NAV3: variants seen among roughly 807,000 people sequenced by gnomAD.
The protein encoded by NAV3 is neuron navigator 3.
In NAV3, 87 loss-of-function variants were observed where a neutral mutation model predicts 244.7. The ratio of observed to expected loss-of-function variants is 0.36; its 90% confidence interval spans 0.30 to 0.42. The LOEUF is 0.42. Ranked by LOEUF, NAV3 falls within the 20% of genes least tolerant of loss-of-function variation. The pLI is 1.00. For missense variants in NAV3, 2,663 were observed against 2,893.3 expected, an observed-to-expected ratio of 0.92 and a Z score of 1.83; for synonymous variants, 1,126 against 1,042.2, an observed-to-expected ratio of 1.08 and a Z score of -1.55.
At position 78,007,206 on chromosome 12, in the gene NAV3, T is replaced by C; in HGVS notation, c.1668T>C (p.Thr556=). The part of the protein sequence containing the change: ...TASKESEKFR[T]TKGSPSQSLS... ...GCAAAGAGTCTGAGAAATTCAGGAC[T>C]ACCAAGGGGAGCCCTTCCCAGTCCT... The change falls in exon 8 of 40, where the codon ACT becomes ACC. Residue 556 remains threonine, a synonymous_variant. Transcript: ENST00000397909. 6.2e-7 allele frequency: 1 copy of C among 1,614,194 alleles called. No individual in the cohort carries two copies. Among genetic ancestry groups the C allele is most frequent in the Non-Finnish European group, 8.5e-7 (1 of 1,180,038 alleles).
At chr12:77,987,054 AT>A (rs1870639911) in intron 5 of NAV3, among the ~76,000 whole-genome samples, 1 of 152,152 alleles carries the variant, frequency 6.6e-6, no homozygotes, top group African/African-American at 2.4e-5. Context: ...AACCTTTAAA[AT>A]TGTTTTGTTT....
chr12:77,599,638 A>G (rs1592491301), intron 2 of NAV3, among the ~76,000 whole-genome samples: 1 of 151,872 alleles, frequency 6.6e-6, no homozygotes, highest in East Asian at 1.9e-4. Context: ...TGTGATATAT[A>G]TGTGTTCAAG....
At chr12:77,829,875 A>G (rs1392645096), upstream of NAV3, among the ~76,000 whole-genome samples, 4 of 152,186 alleles carry the variant, frequency 2.6e-5, no homozygotes, top group South Asian at 6.2e-4. Flanking sequence ...TTCACTAAAG[A>G]AAGACATTTT....
At chr12:77,978,013 T>A (rs1289540589) in intron 5 of NAV3, among the ~76,000 whole-genome samples, 2 of 152,132 alleles carry the variant, frequency 1.3e-5, no homozygotes, top group African/African-American at 4.8e-5. Flanking sequence ...GATCGTTGGT[T>A]TTGGTTTAGT....
chr12:78,146,201 A>G (rs1956857150), intron 20 of NAV3, among the ~76,000 whole-genome samples, 168 bp from the exon 21 acceptor site: 1 of 152,130 alleles, frequency 6.6e-6, no homozygotes, highest in Non-Finnish European at 1.5e-5. Flanking sequence ...ATAAAATTCT[A>G]AAGTAACTTG....
intron 30 of NAV3, among the ~76,000 whole-genome samples, 168 bp from the exon 31 acceptor site, chr12:78,185,433 C>T (rs936571316): frequency 6.6e-6 from 1 of 151,748 alleles, no homozygotes; most frequent in Non-Finnish European, 1.5e-5. Flanking sequence ...TTAGCCCAAC[C>T]ACAGTAATTC....
intron 21 of NAV3, among the ~76,000 whole-genome samples, chr12:78,147,704 A>G (rs1225657870): frequency 2.0e-5 from 3 of 151,918 alleles, no homozygotes; most frequent in Admixed American, 6.6e-5. Flanking sequence ...CTACTTTGTT[A>G]GAGTGTTTGA....
At chr12:77,729,595 G>A (rs769538574) in intron 2 of NAV3, among the ~76,000 whole-genome samples, 6 of 151,884 alleles carry the variant, frequency 4.0e-5, no homozygotes, top group Non-Finnish European at 7.4e-5. Context: ...AAGAAGAAAG[G>A]TCCTGCAAGA....
intron 1 of NAV3, among the ~76,000 whole-genome samples, chr12:77,898,564 T>G (rs1294006435): frequency 6.6e-6 from 1 of 152,236 alleles, no homozygotes; most frequent in Non-Finnish European, 1.5e-5. Context: ...ATTCACTGTT[T>G]TAGGCAAAGT....
At position 78,050,681 on chromosome 12, in the gene NAV3, T is replaced by A; in HGVS notation, c.2133-83T>A. On this transcript the variant is annotated intron_variant, in intron 10 of 39. Transcript: ENST00000397909. ...GTGTTTATAAGAGATGACCCTCAAC[T>A]CCAGCCTTTTCTGTCTTCATGCATT... 8 of 1,429,236 alleles carry A rather than the reference T, an allele frequency of 5.6e-6. No individual in the cohort carries two copies. The South Asian group carries it at 9.6e-5, about 17-fold the overall frequency. The allele number at this position is 1,429,236 out of a possible 1,614,324, so 88.5% of individuals were successfully genotyped here.
chr12:78,104,992 G>C lies in NAV3; in HGVS notation c.2637-11780G>C, dbSNP rs74106127. The stretch of plus-strand genomic sequence containing the variant: ...TAAATGAGTTTTTGTTCACAATGCT[G>C]AGTGTTTGTTTAGGATAGATTCCTA... On this transcript the variant is annotated intron_variant, in intron 12 of 39. Coordinates refer to ENST00000397909, the MANE Select transcript of NAV3 (RefSeq NM_001024383.2). 3.1e-3 allele frequency among the ~76,000 whole-genome samples: 471 copies of C among 152,224 alleles called. 3 individuals are homozygous for C. The highest frequency in any genetic ancestry group is 0.01 in the African/African-American group (435 of 41,570).
At chr12:77,824,527 A>G (rs1173019221) in intron 2 of NAV3, among the ~76,000 whole-genome samples, 1 of 152,166 alleles carries the variant, frequency 6.6e-6, no homozygotes, top group Non-Finnish European at 1.5e-5. Flanking sequence ...GAAACTAAAA[A>G]GTTTCCAAAA....
intron 12 of NAV3, among the ~76,000 whole-genome samples, chr12:78,085,074 T>G (rs544108855): frequency 2.3e-4 from 35 of 152,220 alleles, no homozygotes; most frequent in African/African-American, 7.9e-4. Flanking sequence ...CCTATAAAAA[T>G]AAAGTATAGA....
chr12:77,647,016 T>G (rs1252079440), intron 2 of NAV3, among the ~76,000 whole-genome samples: 1 of 151,516 alleles, frequency 6.6e-6, no homozygotes, highest in Non-Finnish European at 1.5e-5. Flanking sequence ...TATATATACA[T>G]GGACATACAC....
intron 12 of NAV3, among the ~76,000 whole-genome samples, chr12:78,060,320 A>G (rs185313384): frequency 5.9e-5 from 9 of 152,300 alleles, no homozygotes; most frequent in Admixed American, 5.9e-4. Context: ...CTAGATACCC[A>G]GGGAATTCTA....
At chr12:77,895,791 T>C (rs1285071086) in intron 1 of NAV3, among the ~76,000 whole-genome samples, 1 of 150,840 alleles carries the variant, frequency 6.6e-6, no homozygotes, top group Non-Finnish European at 1.5e-5. Flanking sequence ...ATGTTCCTTT[T>C]TAAACAAAAT....
intron 16 of NAV3, among the ~76,000 whole-genome samples, chr12:78,125,700 G>A (rs1481675588): frequency 1.3e-5 from 2 of 152,162 alleles, no homozygotes; most frequent in Non-Finnish European, 2.9e-5. Flanking sequence ...ATATGAGTTT[G>A]CAACCTTTGG....
At chr12:77,879,156 G>A (rs998618788) in intron 1 of NAV3, among the ~76,000 whole-genome samples, 2 of 152,044 alleles carry the variant, frequency 1.3e-5, no homozygotes, top group Non-Finnish European at 2.9e-5. Flanking sequence ...GGAGAGTTGC[G>A]AACCCGCTTG....
At chr12:78,012,100 AT>A (rs1875391828) in intron 8 of NAV3, among the ~76,000 whole-genome samples, 1 of 152,130 alleles carries the variant, frequency 6.6e-6, no homozygotes, top group African/African-American at 2.4e-5. Context: ...GCCAAACCAT[AT>A]AAGATACTAA....
Sources: allele counts gnomAD v4.1 joint callset (sites outside exome capture counted in the v4.1 genomes callset), GRCh38; gene constraint gnomAD v4.1.1; transcripts MANE v1.5; gene names NCBI Gene and HGNC (gene_info 2026-07-23, HGNC 2026-07-21).